RPH3A: variants seen among roughly 807,000 people sequenced by gnomAD.
The protein encoded by RPH3A is rabphilin-3A.
In RPH3A, 48 loss-of-function variants were observed where a neutral mutation model predicts 102.2. The ratio of observed to expected loss-of-function variants is 0.47; its 90% CI spans 0.37 to 0.60. The LOEUF is 0.60. Ranked by LOEUF, RPH3A falls within the 20% of genes least tolerant of loss-of-function variation. RPH3A has a pLI of 0.00. For missense variants in RPH3A, 781 were observed against 910.1 expected, an observed-to-expected ratio of 0.86 and a Z score of 1.83; for synonymous variants, 310 against 324.3, an observed-to-expected ratio of 0.96 and a Z score of 0.47.
chr12:112,800,923 A>G (rs1156817), intron 2 of RPH3A, among the ~76,000 whole-genome samples: 37,315 of 152,056 alleles, frequency 0.25, 7,222 homozygotes, highest in African/African-American at 0.53. Flanking sequence ...GTTCCACGCT[A>G]GCTAAAATGC....
intron 2 of RPH3A, among the ~76,000 whole-genome samples, chr12:112,821,942 C>T (rs977435333): frequency 8.6e-5 from 13 of 151,476 alleles, no homozygotes; most frequent in African/African-American, 1.9e-4. Flanking sequence ...TTAAATCCTG[C>T]GCTTTTAAGA....
At chr12:112,894,350 G>C in intron 19 of RPH3A, 2 of 540,630 alleles carry the variant, frequency 3.7e-6, no homozygotes, top group Admixed American at 3.8e-5. Context: ...TAAACTGAGT[G>C]GTTGTGGTTC....
intron 1 of RPH3A, among the ~76,000 whole-genome samples, chr12:112,654,815 G>T (rs2039998663): frequency 6.6e-6 from 1 of 152,128 alleles, no homozygotes; most frequent in Admixed American, 6.5e-5. Context: ...TCAAGGAGGT[G>T]GTGTTCAAAG....
chr12:112,794,851 C>T (rs1319030748), intron 2 of RPH3A, among the ~76,000 whole-genome samples: 1 of 152,214 alleles, frequency 6.6e-6, no homozygotes, highest in African/African-American at 2.4e-5. Flanking sequence ...CCCCTACTCC[C>T]CCAGTCCAGC....
intron 1 of RPH3A, among the ~76,000 whole-genome samples, chr12:112,650,100 A>G (rs2039963435): frequency 1.3e-5 from 2 of 152,354 alleles, no homozygotes; most frequent in Admixed American, 6.5e-5. Context: ...CAGCAAATGC[A>G]GATCCACATC....
At chr12:112,601,286 C>T (rs1374936496) in intron 1 of RPH3A, among the ~76,000 whole-genome samples, 1 of 152,152 alleles carries the variant, frequency 6.6e-6, no homozygotes, top group Non-Finnish European at 1.5e-5. Context: ...TACAGCAGTC[C>T]TTTGGGGTAA....
chr12:112,578,022 C>T (rs529382004), intron 1 of RPH3A, among the ~76,000 whole-genome samples: 3 of 152,242 alleles, frequency 2.0e-5, no homozygotes. Flanking sequence ...ATCTCTCTTC[C>T]CCTCTGAGTT....
chr12:112,797,840 G>A (rs1030887585), intron 2 of RPH3A, among the ~76,000 whole-genome samples: 3 of 151,934 alleles, frequency 2.0e-5, no homozygotes, highest in Admixed American at 6.6e-5. Context: ...GTACAGACAC[G>A]ACCATGCTGG....
At position 112,897,173 on chromosome 12, in the gene RPH3A, CA is replaced by C. The variant is rs1299955901; in HGVS notation, c.*394del. 73 of 182,918 alleles carry C rather than the reference CA, an allele frequency of 4.0e-4. No homozygotes were observed. Among genetic ancestry groups the C allele is most frequent in the African/African-American group, 1.5e-3 (64 of 43,318 alleles). 11.3% of individuals were successfully genotyped at this position (182,918 alleles called of 1,614,324 possible). A position where few individuals can be genotyped will look rare whatever the true frequency, so the allele number is the denominator to read the frequency against. ...ACACACACACACACACACACACACA[CA>C]CCCTTTCATTCCCTGTGTTGTGTCT... On this transcript the variant is annotated 3_prime_UTR_variant, in exon 22 of 22. Transcript: ENST00000389385.
chr12:112,687,847 C>G (rs946042817), intron 1 of RPH3A, among the ~76,000 whole-genome samples: 2 of 152,166 alleles, frequency 1.3e-5, no homozygotes, highest in African/African-American at 4.8e-5. Context: ...TCCTCCCTTC[C>G]CTGGTCCAAA....
At chr12:112,760,405 G>T (rs1299069971) in intron 1 of RPH3A, among the ~76,000 whole-genome samples, 1 of 152,190 alleles carries the variant, frequency 6.6e-6, no homozygotes, top group African/African-American at 2.4e-5. Context: ...TAAACATTTA[G>T]CAACTGATAG....
chr12:112,799,674 A>G (rs1356048207), intron 2 of RPH3A, among the ~76,000 whole-genome samples: 2 of 151,844 alleles, frequency 1.3e-5, no homozygotes, highest in African/African-American at 4.8e-5. Context: ...CAGGAGACTT[A>G]CTCCCTTCAC....
intron 1 of RPH3A, among the ~76,000 whole-genome samples, chr12:112,628,841 C>T (rs957525081): frequency 1.3e-5 from 2 of 152,018 alleles, no homozygotes; most frequent in Non-Finnish European, 2.9e-5. Context: ...CTCGTGTCTG[C>T]TGTGAGGGGA....
chr12:112,752,405 C>A (rs1332162756), intron 1 of RPH3A, among the ~76,000 whole-genome samples: 1 of 152,136 alleles, frequency 6.6e-6, no homozygotes, highest in African/African-American at 2.4e-5. Flanking sequence ...GTTACTCACT[C>A]CTAAATTCAA....
At position 112,870,031 on chromosome 12, in the gene RPH3A, G is replaced by C; in HGVS notation, c.788G>C (p.Ser263Thr). 6.2e-7 allele frequency: 1 copy of C among 1,612,078 alleles called. No individual in the cohort carries two copies. Among genetic ancestry groups the C allele is most frequent in the Non-Finnish European group, 8.5e-7 (1 of 1,179,360 alleles). The change falls in exon 10 of 22, where the codon AGC becomes ACC. Residue 263 changes from serine (S) to threonine (T), a missense_variant. Transcript: ENST00000389385. ...GGGGGTGCTGGAGACTCCAGCCGGA[G>C]CCCAGCAGGTGAGCAAGATGGGCAA... ...HSGGAGDSSR[S>T]PAGLRRANSV...
At chr12:112,787,038 C>A (rs1340935863), upstream of RPH3A, among the ~76,000 whole-genome samples, 2 of 152,116 alleles carry the variant, frequency 1.3e-5, no homozygotes, top group Non-Finnish European at 2.9e-5. Flanking sequence ...CATCTTCATA[C>A]CTCTCCCTAC....
chr12:112,809,296 T>G (rs993615383), intron 2 of RPH3A, among the ~76,000 whole-genome samples: 1 of 152,074 alleles, frequency 6.6e-6, no homozygotes, highest in African/African-American at 2.4e-5. Flanking sequence ...TTTTGACCAT[T>G]CTTGACCATT....
chr12:112,781,967 T>A (rs57034520), intron 1 of RPH3A, among the ~76,000 whole-genome samples: 10,892 of 152,292 alleles, frequency 0.072, 711 homozygotes, highest in African/African-American at 0.18. Context: ...GGGTGGTCAG[T>A]TGTCTCTCCC....
chr12:112,668,482 T>TA (rs2040102878), intron 1 of RPH3A, among the ~76,000 whole-genome samples: 1 of 152,062 alleles, frequency 6.6e-6, no homozygotes, highest in Admixed American at 6.6e-5. Flanking sequence ...CATGCAGCCT[T>TA]AAAAAAATGA....
Sources: allele counts gnomAD v4.1 joint callset (sites outside exome capture counted in the v4.1 genomes callset), GRCh38; gene constraint gnomAD v4.1.1; transcripts MANE v1.5; gene names NCBI Gene and HGNC (gene_info 2026-07-23, HGNC 2026-07-21).